ADGRB3: variants seen among roughly 807,000 people sequenced by gnomAD.
ADGRB3 encodes the protein brain-specific angiogenesis inhibitor 3.
A neutral mutation model predicts 193.4 loss-of-function variants in ADGRB3; 37 were observed. That is an observed-to-expected ratio of 0.19 (90% CI 0.15 to 0.25). The LOEUF (loss-of-function observed/expected upper bound fraction) is 0.25. Among genes scored for constraint, ADGRB3 ranks in the 10% least tolerant of loss-of-function variants. ADGRB3 has a pLI of 1.00. For missense variants in ADGRB3, 1,637 were observed against 1,852.9 expected (o/e 0.88, Z 2.14); for synonymous variants, 690 against 644.2 (o/e 1.07, Z -1.08).
intron 11 of ADGRB3, among the ~76,000 whole-genome samples, chr6:69,002,222 CTTTT>C (rs11284011): frequency 5.8e-5 from 8 of 138,468 alleles, no homozygotes; most frequent in Non-Finnish European, 6.2e-5. Flanking sequence ...CATCTTTTAT[CTTTT>C]TTTTTTTTTT....
intron 3 of ADGRB3, among the ~76,000 whole-genome samples, chr6:68,751,291 C>T (rs1766193607): frequency 2.6e-5 from 4 of 152,038 alleles, no homozygotes; most frequent in Admixed American, 6.6e-5. Flanking sequence ...CCAATTTATC[C>T]CTCTCGGTAA....
chr6:69,167,479 T>A (rs562038060), intron 17 of ADGRB3, among the ~76,000 whole-genome samples: 1 of 152,182 alleles, frequency 6.6e-6, no homozygotes, highest in Non-Finnish European at 1.5e-5. Context: ...CTCTAACTTA[T>A]ACAGTATGTG....
At chr6:68,897,884 G>A (rs1019599436) in intron 3 of ADGRB3, among the ~76,000 whole-genome samples, 1 of 145,796 alleles carries the variant, frequency 6.9e-6, no homozygotes, top group Non-Finnish European at 1.5e-5. Context: ...AAGAAAGAAA[G>A]AAAAAAGAAA....
intron 3 of ADGRB3, among the ~76,000 whole-genome samples, chr6:68,928,883 A>T (rs10485433): frequency 0.46 from 69,548 of 152,040 alleles, 16,897 homozygotes; most frequent in Middle Eastern, 0.58. Flanking sequence ...TTGATAAAAA[A>T]TTACTACTAA....
intron 3 of ADGRB3, among the ~76,000 whole-genome samples, chr6:68,916,984 T>C (rs1203591956): frequency 6.6e-6 from 1 of 152,196 alleles, no homozygotes; most frequent in Non-Finnish European, 1.5e-5. Flanking sequence ...TGGAGAATTC[T>C]CAGCAGCAGA....
intron 20 of ADGRB3, among the ~76,000 whole-genome samples, chr6:69,246,229 A>G (rs1766497198): frequency 1.3e-5 from 2 of 152,172 alleles, no homozygotes; most frequent in Admixed American, 1.3e-4. Flanking sequence ...TATCCTGCCA[A>G]TAGTGTCCCA....
chr6:68,661,482 C>CAT lies in ADGRB3; in HGVS notation c.757+22059_757+22060dup, dbSNP rs200253656. The stretch of plus-strand genomic sequence containing the variant: ...ATATGTGTGTATATATATGTGTATA[C>CAT]ATATATATATGTGTGTATACATATA... On this transcript the variant is annotated intron_variant, in intron 3 of 31. Transcript: ENST00000370598. 3.0e-4 allele frequency among the ~76,000 whole-genome samples: 19 copies of CAT among 62,330 alleles called. 2 individuals carry two copies. Among genetic ancestry groups the CAT allele is most frequent in the African/African-American group, 6.7e-4 (12 of 17,916 alleles). The allele number at this position is 62,330 out of a possible 152,430, so 40.9% of individuals were successfully genotyped here. A position where few individuals can be genotyped will look rare whatever the true frequency, so the allele number is the denominator to read the frequency against.
intron 17 of ADGRB3, among the ~76,000 whole-genome samples, chr6:69,100,872 A>AG (rs1773021472): frequency 2.8e-3 from 23 of 8,114 alleles, no homozygotes; most frequent in Admixed American, 5.6e-3. Flanking sequence ...GAAGGAAGGA[A>AG]GAAGGAAGGG....
Position 69,115,472 on chromosome 6 carries a change from G to A in ADGRB3, c.2480+39434G>A, listed in dbSNP as rs1197033530. Among the ~76,000 whole-genome samples the A allele has an allele frequency of 6.6e-5, 10 of 152,202 alleles. No individual in the cohort carries two copies. The East Asian group carries it at 1.7e-3, about 26-fold the overall frequency. ...GGGATCGGGGGTTAGGGGAGGGATA[G>A]CATTAAGAAAAATACCAAATGTAGA... On this transcript the variant is annotated intron_variant, in intron 17 of 31. Coordinates refer to ENST00000370598, the MANE Select transcript of ADGRB3 (RefSeq NM_001704.3).
At chr6:68,956,578 A>G (rs1768082681) in intron 7 of ADGRB3, 67 bp from the exon 8 acceptor site, 1 of 1,583,388 alleles carries the variant, frequency 6.3e-7, no homozygotes, top group Middle Eastern at 1.9e-4. Flanking sequence ...TAACATTCTC[A>G]GATTTTAAAA....
intron 24 of ADGRB3, among the ~76,000 whole-genome samples, chr6:69,333,452 G>A (rs1051311518): frequency 2.0e-5 from 3 of 151,520 alleles, no homozygotes; most frequent in Non-Finnish European, 4.4e-5. Flanking sequence ...GTATATATCA[G>A]GAAAAAAATC....
rs550604350 is a variant in ADGRB3, at chr6:68,805,349, A to G, written c.758-125210A>G. ...CAAAATATCATGTGAACATTTTATAAGTTCTTAATCTCCCCCAAATATTGA... is the reference window on the plus strand; with the variant it reads ...CAAAATATCATGTGAACATTTTATAGGTTCTTAATCTCCCCCAAATATTGA... On this transcript the variant is annotated intron_variant, in intron 3 of 31. Transcript: ENST00000370598. Among the ~76,000 whole-genome samples the G allele has an allele frequency of 1.3e-3, 203 of 152,322 alleles. 2 individuals are homozygous for G. In the Middle Eastern group the frequency reaches 0.034, roughly 26 times the overall value.
chr6:68,784,528 A>G (rs1766921564), intron 3 of ADGRB3, among the ~76,000 whole-genome samples: 1 of 152,136 alleles, frequency 6.6e-6, no homozygotes, highest in African/African-American at 2.4e-5. Context: ...TTCACAGTAT[A>G]AACTTTCTCA....
intron 3 of ADGRB3, among the ~76,000 whole-genome samples, chr6:68,649,523 A>G (rs1768296596): frequency 1.3e-5 from 2 of 152,116 alleles, no homozygotes; most frequent in African/African-American, 4.8e-5. Flanking sequence ...TTTTTGTACT[A>G]TTTTGTATAC....
intron 17 of ADGRB3, among the ~76,000 whole-genome samples, chr6:69,183,194 A>G (rs190787672): frequency 3.5e-4 from 54 of 152,216 alleles, no homozygotes; most frequent in African/African-American, 1.2e-3. Context: ...GTTAAATTTG[A>G]AATTTCTTAG....
chr6:69,116,009 C>A (rs1028106518), intron 17 of ADGRB3, among the ~76,000 whole-genome samples: 1 of 152,094 alleles, frequency 6.6e-6, no homozygotes, highest in Non-Finnish European at 1.5e-5. Flanking sequence ...AGTAGGCTAT[C>A]GAGCAGGGCA....
At chr6:68,830,512 T>C (rs1767932480) in intron 3 of ADGRB3, among the ~76,000 whole-genome samples, 1 of 152,196 alleles carries the variant, frequency 6.6e-6, no homozygotes, top group Non-Finnish European at 1.5e-5. Context: ...ATAACTAGTA[T>C]ATTACTATTT....
At chr6:69,009,992 A>G (rs1769887510) in intron 11 of ADGRB3, among the ~76,000 whole-genome samples, 1 of 152,110 alleles carries the variant, frequency 6.6e-6, no homozygotes, top group South Asian at 2.1e-4. Flanking sequence ...TAAAAACAGA[A>G]TTTTTTATTG....
At chr6:69,267,143 C>T (rs1402228696) in intron 20 of ADGRB3, among the ~76,000 whole-genome samples, 1 of 152,012 alleles carries the variant, frequency 6.6e-6, no homozygotes. Flanking sequence ...TTGTTTTTAA[C>T]ATTTGCAACT....
Sources: allele counts gnomAD v4.1 joint callset (sites outside exome capture counted in the v4.1 genomes callset), GRCh38; gene constraint gnomAD v4.1.1; transcripts MANE v1.5; gene names NCBI Gene and HGNC (gene_info 2026-07-23, HGNC 2026-07-21).